Variants in PRKCB observed in about 807,000 individuals in gnomAD.
The protein encoded by PRKCB is protein kinase C beta.
A neutral mutation model predicts 81.5 loss-of-function variants in PRKCB; 13 were observed. That is an observed-to-expected ratio of 0.16 (90% CI 0.10 to 0.25). The LOEUF is 0.25. Among genes scored for constraint, PRKCB ranks in the 10% least tolerant of loss-of-function variants. The pLI is 1.00. For missense variants in PRKCB, 509 were observed against 875.7 expected (o/e 0.58, Z 5.29); for synonymous variants, 335 against 321.4 (o/e 1.04, Z -0.45).
chr16:24,079,928 C>T (rs926971604), intron 5 of PRKCB, among the ~76,000 whole-genome samples: 11 of 152,048 alleles, frequency 7.2e-5, no homozygotes, highest in African/African-American at 2.4e-4. Context: ...GTTAAAAGGA[C>T]GAATGGTTAT....
At chr16:24,114,048 C>G (rs1008525177) in intron 8 of PRKCB, among the ~76,000 whole-genome samples, 5 of 151,464 alleles carry the variant, frequency 3.3e-5, no homozygotes, top group African/African-American at 1.2e-4. Flanking sequence ...TAAACCCAGT[C>G]TCTACTAAAA....
intron 3 of PRKCB, among the ~76,000 whole-genome samples, chr16:24,024,193 T>C (rs1346377011): frequency 6.6e-6 from 1 of 152,212 alleles, no homozygotes; most frequent in Non-Finnish European, 1.5e-5. Context: ...GACATTATGC[T>C]AAGTGAAATA....
intron 2 of PRKCB, among the ~76,000 whole-genome samples, chr16:23,922,596 A>C (rs778105383): frequency 4.6e-5 from 7 of 152,340 alleles, no homozygotes; most frequent in Non-Finnish European, 8.8e-5. Context: ...TGGAAATGTC[A>C]ACTTTGAAAT....
intron 2 of PRKCB, among the ~76,000 whole-genome samples, chr16:23,934,616 T>C (rs1964032509): frequency 6.6e-6 from 1 of 152,222 alleles, no homozygotes. Context: ...ATTTTCAGCG[T>C]ATAGAATTTT....
chr16:23,925,429 T>C (rs1025506867), intron 2 of PRKCB, among the ~76,000 whole-genome samples: 2 of 151,990 alleles, frequency 1.3e-5, no homozygotes, highest in Non-Finnish European at 2.9e-5. Flanking sequence ...GACCCTCCTC[T>C]CGTTAACCAG....
intron 9 of PRKCB, among the ~76,000 whole-genome samples, chr16:24,147,321 A>AAAAT: frequency 6.6e-6 from 1 of 151,806 alleles, no homozygotes; most frequent in East Asian, 1.9e-4. Flanking sequence ...AAAAAAAAAA[A>AAAAT]ACTTCACAGC....
intron 3 of PRKCB, among the ~76,000 whole-genome samples, chr16:24,022,060 G>A (rs897623648): frequency 1.3e-5 from 2 of 152,158 alleles, no homozygotes; most frequent in Non-Finnish European, 2.9e-5. Flanking sequence ...ATCGTGCCAG[G>A]ATCCTGTGGA....
intron 2 of PRKCB, among the ~76,000 whole-genome samples, chr16:23,884,290 G>A (rs1228094855): frequency 1.3e-5 from 2 of 152,186 alleles, no homozygotes; most frequent in Admixed American, 6.6e-5. Flanking sequence ...CATTTTCAAT[G>A]TAAGCAAAAG....
intron 16 of PRKCB, among the ~76,000 whole-genome samples, chr16:24,192,248 CT>C (rs1426024529): frequency 6.6e-6 from 1 of 152,222 alleles, no homozygotes; most frequent in African/African-American, 2.4e-5. Flanking sequence ...TTGTACAAGC[CT>C]GGTACAGAGG....
chr16:24,083,556 C>T (rs189914965), intron 5 of PRKCB, among the ~76,000 whole-genome samples: 1 of 152,248 alleles, frequency 6.6e-6, no homozygotes, highest in Non-Finnish European at 1.5e-5. Context: ...AGGCCCTTTG[C>T]CGAGAAAGAG....
At chr16:24,109,518 G>A (rs1966642798) in intron 7 of PRKCB, among the ~76,000 whole-genome samples, 1 of 121,784 alleles carries the variant, frequency 8.2e-6, no homozygotes, top group East Asian at 2.3e-4. Flanking sequence ...GGGCGGCCGG[G>A]CAGAGACGCT....
intron 5 of PRKCB, among the ~76,000 whole-genome samples, chr16:24,058,370 A>ACATGTACAGTG: frequency 6.6e-6 from 1 of 152,116 alleles, no homozygotes; most frequent in Non-Finnish European, 1.5e-5. Flanking sequence ...TGCACAATTG[A>ACATGTACAGTG]CATGTACAGA....
rs759234204 is a variant in PRKCB at position 23,836,231 on chromosome 16, G to A, written c.56G>A (p.Arg19His). Residue 19 changes from arginine to histidine, a missense_variant, in exon 1 of 17, where the codon CGC becomes CAC. Physicochemically the swap from Arg to His is conservative, Grantham distance 29 (BLOSUM62 0). Around this residue, in one of 6 missense-constraint regions of PRKCB, gnomAD observed 184 missense variants for 362.9 expected, o/e 0.51. Coordinates refer to ENST00000643927, the MANE Select transcript of PRKCB (RefSeq NM_002738.7). ...PPSEGEESTVRFARKGALRQK... is the reference protein window; with the variant it reads ...PPSEGEESTVHFARKGALRQK... The stretch of plus-strand genomic sequence containing the variant: ...AGCGAGGGCGAGGAGAGCACCGTGC[G>A]CTTCGCCCGCAAAGGCGCCCTCCGG... 2 of 1,599,608 alleles carry A rather than the reference G, an allele frequency of 1.3e-6. No individual in the cohort carries two copies. Among genetic ancestry groups the A allele is most frequent in the Non-Finnish European group, 1.7e-6 (2 of 1,173,594 alleles).
In PRKCB at chr16:24,217,820, C is replaced by T; in HGVS notation, c.*3004C>T. Reference sequence around the variant, plus strand: ...AGCTCCAAATATACCTGCCTTTTAGCTCACACACTGTCCTGGAGTTCTCAG... The same window carrying T: ...AGCTCCAAATATACCTGCCTTTTAGTTCACACACTGTCCTGGAGTTCTCAG... On this transcript the variant is annotated 3_prime_UTR_variant, in exon 17 of 17. Transcript: ENST00000643927. 2 of 985,440 alleles carry T rather than the reference C, an allele frequency of 2.0e-6. No individual in the cohort carries two copies. Among genetic ancestry groups the T allele is most frequent in the Non-Finnish European group, 2.4e-6 (2 of 829,974 alleles). 61.0% of individuals were successfully genotyped at this position (985,440 alleles called of 1,614,324 possible). A position where few individuals can be genotyped will look rare whatever the true frequency, so the allele number is the denominator to read the frequency against.
At chr16:24,125,848 A>G (rs1034757709) in intron 9 of PRKCB, among the ~76,000 whole-genome samples, 6 of 152,144 alleles carry the variant, frequency 3.9e-5, no homozygotes, top group East Asian at 1.9e-4. Flanking sequence ...TCAGCATGGG[A>G]TGGGAATAGA....
intron 5 of PRKCB, among the ~76,000 whole-genome samples, chr16:24,041,985 GAAAAAAA>G (rs111410896): frequency 9.6e-6 from 1 of 104,458 alleles, no homozygotes; most frequent in African/African-American, 3.6e-5. Flanking sequence ...CTCCATCTTG[GAAAAAAA>G]AAAAAAAAAG....
chr16:24,063,152 C>A (rs886985292), intron 5 of PRKCB, among the ~76,000 whole-genome samples: 1 of 152,090 alleles, frequency 6.6e-6, no homozygotes, highest in Non-Finnish European at 1.5e-5. Flanking sequence ...GCAATGACAT[C>A]TCAATGCTGC....
chr16:23,859,774 GA>G, intron 2 of PRKCB, among the ~76,000 whole-genome samples: 1 of 151,828 alleles, frequency 6.6e-6, no homozygotes. Context: ...AGGAGGCAGA[GA>G]AAAGGCAGGA....
intron 2 of PRKCB, among the ~76,000 whole-genome samples, chr16:23,917,310 T>C (rs1963755328): frequency 2.0e-5 from 3 of 152,170 alleles, no homozygotes; most frequent in African/African-American, 7.2e-5. Flanking sequence ...CTCAAACTCC[T>C]GACTTCAGAT....
Sources: gnomAD v4.1 joint callset for allele counts (sites outside exome capture counted in the v4.1 genomes callset) on GRCh38, gnomAD v4.1.1 for gene constraint, gnomAD v4.1.1 regional missense constraint, MANE v1.5 for transcripts, NCBI Gene and HGNC (gene_info 2026-07-23, HGNC 2026-07-21) for gene names.